SPATC1: variants seen among roughly 807,000 people sequenced by gnomAD.
SPATC1 encodes the protein speriolin.
SPATC1 carries 35 observed loss-of-function variants against 36.5 expected under a neutral mutation model. That is an observed-to-expected ratio of 0.96 (90% CI 0.73 to 1.27). SPATC1 has a LOEUF of 1.27. Among genes scored for constraint, SPATC1 ranks in the 50% most tolerant of loss-of-function variants. SPATC1 has a pLI of 0.00. For missense variants in SPATC1, 779 were observed against 796.0 expected, an observed-to-expected ratio of 0.98 and a Z score of 0.26; for synonymous variants, 361 against 353.6, an observed-to-expected ratio of 1.02 and a Z score of -0.24.
In SPATC1 at chr8:144,045,948, A is replaced by G. The variant is rs1047490967; in HGVS notation, c.1447-679A>G. Among the ~76,000 whole-genome samples the G allele has an allele frequency of 3.3e-5, 5 of 152,092 alleles. No individual in the cohort carries two copies. Among genetic ancestry groups the G allele is most frequent in the South Asian group, 2.1e-4 (1 of 4,826 alleles). On this transcript the variant is annotated intron_variant, in intron 4 of 4. Coordinates refer to ENST00000377470, the MANE Select transcript of SPATC1 (RefSeq NM_198572.3). The surrounding 1 kb of genome is among the most constrained non-coding windows in gnomAD (Gnocchi z 5.2). Reference sequence around the variant, plus strand: ...CAGTCACTGCCTGGCTGGTGGGAGGACACAGGGCATGAGGAAGTGAGTGGA... The same window carrying G: ...CAGTCACTGCCTGGCTGGTGGGAGGGCACAGGGCATGAGGAAGTGAGTGGA...
chr8:144,026,572 G>A (rs1325729377), intron 1 of SPATC1, among the ~76,000 whole-genome samples: 7 of 152,092 alleles, frequency 4.6e-5, no homozygotes, highest in African/African-American at 9.7e-5. Context: ...CACCAGAAAC[G>A]TATGAGGGTT....
chr8:144,019,917 C>T (rs1446214506), intron 1 of SPATC1, among the ~76,000 whole-genome samples: 1 of 151,368 alleles, frequency 6.6e-6, no homozygotes, highest in Admixed American at 6.6e-5. Context: ...CACTGCCTCC[C>T]CCGGGGGCTG....
At chr8:144,028,850 T>C (rs1027851900) in intron 1 of SPATC1, among the ~76,000 whole-genome samples, 3 of 152,262 alleles carry the variant, frequency 2.0e-5, no homozygotes, top group Admixed American at 6.5e-5. Flanking sequence ...GTGGTACATA[T>C]ATACCATGGA....
At chr8:144,033,790 A>T (rs1359179765) in intron 1 of SPATC1, among the ~76,000 whole-genome samples, 1 of 152,142 alleles carries the variant, frequency 6.6e-6, no homozygotes, top group Non-Finnish European at 1.5e-5. Context: ...TTATGCTAAC[A>T]TTGGCTTTTC....
In SPATC1 at chr8:144,040,397, C is replaced by T; in HGVS notation, c.700C>T (p.Pro234Ser). 1 of 1,611,932 alleles carries T rather than the reference C, an allele frequency of 6.2e-7. No homozygotes were observed. The highest frequency in any genetic ancestry group is 8.5e-7 in the Non-Finnish European group (1 of 1,179,642). Residue 234 changes from proline to serine, a missense_variant, in exon 2 of 5, where the codon CCA (proline) becomes TCA (serine). Pro to Ser is a moderately conservative substitution (Grantham distance 74). Transcript: ENST00000377470. ...PEAPRLRLAE[P>S]LRGGPTGPQS... ...GGCCCCAAGGCTGCGGCTGGCTGAGCCACTCCGCGGAGGCCCCACTGGGCC... is the reference window on the plus strand; with the variant it reads ...GGCCCCAAGGCTGCGGCTGGCTGAGTCACTCCGCGGAGGCCCCACTGGGCC...
chr8:144,046,566 T>C lies in SPATC1; in HGVS notation c.1447-61T>C. ...CCTCACCTGCCCCTCGGTCTTCCCC[T>C]TACCTGCCTGTGTGTGGAGGTGTGG... On this transcript the variant is annotated intron_variant, in intron 4 of 4. Coordinates refer to ENST00000377470, the MANE Select transcript of SPATC1 (RefSeq NM_198572.3). The surrounding 1 kb of genome is among the most constrained non-coding windows in gnomAD (Gnocchi z 6.6). 1.3e-6 allele frequency: 2 copies of C among 1,505,638 alleles called. No homozygotes were observed. The highest frequency in any genetic ancestry group is 1.8e-6 in the Non-Finnish European group (2 of 1,109,464). The allele number at this position is 1,505,638 out of a possible 1,614,324, so 93.3% of individuals were successfully genotyped here.
intron 1 of SPATC1, among the ~76,000 whole-genome samples, chr8:144,039,366 A>G (rs1834998131): frequency 6.6e-6 from 1 of 152,216 alleles, no homozygotes; most frequent in South Asian, 2.1e-4. Context: ...CAAGCCCCAC[A>G]GGGCAGGGAC....
intron 1 of SPATC1, among the ~76,000 whole-genome samples, chr8:144,026,728 T>C (rs1834684849): frequency 6.6e-6 from 1 of 152,226 alleles, no homozygotes. Flanking sequence ...TTAGGTGTGC[T>C]TATTGGCCAT....
intron 1 of SPATC1, among the ~76,000 whole-genome samples, chr8:144,024,639 T>C (rs940310480): frequency 6.7e-6 from 1 of 148,832 alleles, no homozygotes; most frequent in Admixed American, 6.7e-5. Context: ...CTCAGGACCT[T>C]CCCCTTCATG....
chr8:144,016,988 G>A lies in SPATC1; in HGVS notation c.211+4262G>A, dbSNP rs533865327. 3.3e-5 allele frequency among the ~76,000 whole-genome samples: 5 copies of A among 152,282 alleles called. No individual in the cohort carries two copies. The highest frequency in any genetic ancestry group is 2.1e-4 in the South Asian group (1 of 4,820). On this transcript the variant is annotated intron_variant, in intron 1 of 4. Coordinates refer to ENST00000377470, the MANE Select transcript of SPATC1 (RefSeq NM_198572.3). This position sits in a 1 kb window ranked among gnomAD's most constrained non-coding sequence, Gnocchi z 4.5. ...ATAATCATGTTTGTGCTTCAGAAAC[G>A]TTACCCCAGATGCTATGGGGGAAAT...
At chr8:144,026,986 TC>T (rs1438146159) in intron 1 of SPATC1, among the ~76,000 whole-genome samples, 14 of 128,710 alleles carry the variant, frequency 1.1e-4, no homozygotes, top group Admixed American at 4.4e-4. Flanking sequence ...ATTTTTTTTT[TC>T]TTTTTTTTTT....
At chr8:144,040,533 CCCT>C (rs1554755695) in intron 2 of SPATC1, 32 bp from the exon 3 acceptor site, 5 of 1,563,268 alleles carry the variant, frequency 3.2e-6, no homozygotes, top group Non-Finnish European at 4.3e-6. Context: ...ACTCTAATCC[CCCT>C]TTTTTTATTT....
chr8:144,015,989 G>A (rs531030747), intron 1 of SPATC1, among the ~76,000 whole-genome samples: 1 of 150,344 alleles, frequency 6.7e-6, no homozygotes, highest in East Asian at 2.0e-4. Flanking sequence ...GTGAACCCGG[G>A]AGGCGGAGCT....
At position 144,040,649 on chromosome 8, in the gene SPATC1, C is replaced by T; in HGVS notation, c.848C>T (p.Thr283Ile). The T allele has an allele frequency of 6.2e-7, 1 of 1,613,652 alleles. No homozygotes were observed. Among genetic ancestry groups the T allele is most frequent in the South Asian group, 1.1e-5 (1 of 91,064 alleles). Residue 283 changes from threonine (T) to isoleucine (I), a missense_variant, in exon 3 of 5, where the codon ACC becomes ATC. Physicochemically the swap from Thr to Ile is moderately conservative, Grantham distance 89 (BLOSUM62 -1). Coordinates refer to ENST00000377470, the MANE Select transcript of SPATC1 (RefSeq NM_198572.3). ...SMAFAGAPLQ[T>I]STPIGAMGTP... ...GCGTTTGCAGGAGCACCCCTCCAGA[C>T]CTCCACCCCTATCGGAGCCATGGGC...
intron 1 of SPATC1, among the ~76,000 whole-genome samples, chr8:144,015,039 A>T (rs1458045974): frequency 1.4e-5 from 2 of 141,962 alleles, no homozygotes; most frequent in Non-Finnish European, 2.9e-5. Flanking sequence ...TTAAATATTT[A>T]AAATTTTTTT....
chr8:144,033,537 G>A (rs1393961729), intron 1 of SPATC1, among the ~76,000 whole-genome samples: 1 of 152,174 alleles, frequency 6.6e-6, no homozygotes, highest in African/African-American at 2.4e-5. Context: ...AGTTTACTCT[G>A]ATCATTTTTG....
chr8:144,037,186 A>C (rs1834922152), intron 1 of SPATC1, among the ~76,000 whole-genome samples: 1 of 130,374 alleles, frequency 7.7e-6, no homozygotes, highest in African/African-American at 2.8e-5. Flanking sequence ...CCCGTCCGGG[A>C]GGGAGGTGGG....
Position 144,046,739 on chromosome 8 carries a change from T to A in SPATC1, c.1559T>A (p.Val520Glu), listed in dbSNP as rs782177594. The A allele has an allele frequency of 6.2e-6, 10 of 1,612,238 alleles. No individual in the cohort carries two copies. Among genetic ancestry groups the A allele is most frequent in the South Asian group, 1.1e-5 (1 of 91,082 alleles). Residue 520 changes from valine to glutamate, a missense_variant, in exon 5 of 5, where the codon GTG (valine) becomes GAG (glutamate). Transcript: ENST00000377470. This position sits in a 1 kb window ranked among gnomAD's most constrained non-coding sequence, Gnocchi z 6.6. ...RLQSLGYNGR[V>E]HPALTEQLVN... The stretch of plus-strand genomic sequence containing the variant: ...CAGAGTCTGGGCTACAACGGGCGGG[T>A]GCACCCTGCGCTGACCGAGCAGCTG...
chr8:144,040,499 G>T, intron 2 of SPATC1, 36 bp downstream of exon 2: 1 of 1,563,148 alleles, frequency 6.4e-7, no homozygotes, highest in Non-Finnish European at 8.7e-7. Flanking sequence ...GGCAGAGTGG[G>T]GGGGGGCAGA....
Sources: allele counts gnomAD v4.1 joint callset (sites outside exome capture counted in the v4.1 genomes callset), GRCh38; gene constraint gnomAD v4.1.1; non-coding constraint Gnocchi (gnomAD v3.1); transcripts MANE v1.5; gene names NCBI Gene and HGNC (gene_info 2026-07-23, HGNC 2026-07-21).